RET: variants seen among roughly 807,000 people sequenced by gnomAD.
RET encodes the protein ret proto-oncogene.
RET carries 19 observed loss-of-function variants against 118.3 expected under a neutral mutation model. That is an observed-to-expected ratio of 0.16 (90% confidence interval 0.11 to 0.24). The LOEUF (loss-of-function observed/expected upper bound fraction) is 0.24. Ranked by LOEUF, RET falls within the 10% of genes least tolerant of loss-of-function variation. The probability of loss-of-function intolerance (pLI) is 1.00; values close to 1 mark genes in which losing one functional copy is unlikely to be tolerated. For synonymous variants in RET, 597 were observed against 644.1 expected (o/e 0.93, Z 1.11); for missense variants, 1,219 against 1,502.1 (o/e 0.81, Z 3.12).
chr10:43,126,866 CT>C, intron 19 of RET, 144 bp downstream of exon 19: 2 of 1,463,552 alleles, frequency 1.4e-6, no homozygotes. Flanking sequence ...AAATGTCTGA[CT>C]TTGCATCCAG....
chr10:43,119,709 G>T lies in RET; in HGVS notation c.2571G>T (p.Gln857His), dbSNP rs1588877374. Reference protein sequence around the residue: ...TMGDLISFAWQISQGMQYLAE... With the variant: ...TMGDLISFAWHISQGMQYLAE... ...GCGACCTCATCTCATTTGCCTGGCA[G>T]ATCTCACAGGGGATGCAGTATCTGG... is the stretch of plus-strand genomic sequence containing the variant. The change falls in exon 14 of 20, where the codon CAG (glutamine) becomes CAT (histidine). Residue 857 changes from glutamine (Q) to histidine (H), a missense_variant. Coordinates refer to ENST00000355710, the MANE Select transcript of RET (RefSeq NM_020975.6). 6.2e-7 allele frequency: 1 copy of T among 1,613,522 alleles called. No individual in the cohort carries two copies. Among genetic ancestry groups the T allele is most frequent in the Non-Finnish European group, 8.5e-7 (1 of 1,179,948 alleles).
intron 18 of RET, 105 bp downstream of exon 18, chr10:43,125,087 A>G: frequency 9.8e-7 from 1 of 1,021,630 alleles, no homozygotes; most frequent in Non-Finnish European, 1.5e-6. Flanking sequence ...GTGTGGGGCC[A>G]CAGTGGGATT....
intron 1 of RET, among the ~76,000 whole-genome samples, chr10:43,088,425 G>A (rs1433340668): frequency 2.0e-5 from 3 of 151,668 alleles, no homozygotes; most frequent in African/African-American, 7.3e-5. Flanking sequence ...TGAAGGTGGG[G>A]ATGGTGGTGG....
rs541432573 is a variant in RET at position 43,119,229 on chromosome 10, T to C, written c.2393-302T>C. ...GGCAGGACCCAGGAGGCAAAAAGGCTTGGCGTCCTAGCATCAGGGAGGGGT... is the reference window on the plus strand; with the variant it reads ...GGCAGGACCCAGGAGGCAAAAAGGCCTGGCGTCCTAGCATCAGGGAGGGGT... On this transcript the variant is annotated intron_variant, in intron 13 of 19. Transcript: ENST00000355710. Among the ~76,000 whole-genome samples the C allele has an allele frequency of 2.0e-5, 3 of 152,292 alleles. No homozygotes were observed. The South Asian group carries it at 6.2e-4, about 32-fold the overall frequency.
At chr10:43,126,761 T>A in intron 19 of RET, 39 bp downstream of exon 19, 1 of 1,610,046 alleles carries the variant, frequency 6.2e-7, no homozygotes, top group Non-Finnish European at 8.5e-7. Flanking sequence ...CTAGCACCGC[T>A]GTCCCCTTTG....
intron 4 of RET, among the ~76,000 whole-genome samples, chr10:43,105,556 C>T (rs900433837): frequency 4.7e-4 from 71 of 152,192 alleles, no homozygotes; most frequent in Admixed American, 3.9e-3. Context: ...TGAGTGACCA[C>T]GAGCAGAGCC....
At chr10:43,122,145 G>A in intron 16 of RET, 129 bp downstream of exon 16, 1 of 791,706 alleles carries the variant, frequency 1.3e-6, no homozygotes, top group Non-Finnish European at 2.3e-6. Flanking sequence ...TGTCTGCAGT[G>A]CTAGCCCTCT....
intron 1 of RET, among the ~76,000 whole-genome samples, chr10:43,080,208 T>C (rs2132519424): frequency 6.6e-6 from 1 of 152,272 alleles, no homozygotes; most frequent in East Asian, 1.9e-4. Context: ...AATTATGATA[T>C]CTGTTAAAAT....
At chr10:43,109,968 G>A (rs1201139270) in intron 6 of RET, among the ~76,000 whole-genome samples, 1 of 152,212 alleles carries the variant, frequency 6.6e-6, no homozygotes, top group Non-Finnish European at 1.5e-5. Flanking sequence ...AGCAGCCCGT[G>A]GCGCCTCCTC....
At chr10:43,092,207 G>T (rs1273036289) in intron 1 of RET, among the ~76,000 whole-genome samples, 1 of 152,218 alleles carries the variant, frequency 6.6e-6, no homozygotes, top group Non-Finnish European at 1.5e-5. Context: ...AACCTCGAGG[G>T]CATTATGTCA....
chr10:43,098,759 A>G (rs1050528280), intron 1 of RET, among the ~76,000 whole-genome samples: 4 of 152,128 alleles, frequency 2.6e-5, no homozygotes, highest in Non-Finnish European at 2.9e-5. Context: ...ATTCCATTGT[A>G]TGTATAGACC....
intron 15 of RET, among the ~76,000 whole-genome samples, chr10:43,121,303 C>A (rs715106): frequency 0.83 from 127,130 of 152,256 alleles, 53,746 homozygotes; most frequent in African/African-American, 0.94. Flanking sequence ...AGATTGTGTT[C>A]CAACCCAAGG....
chr10:43,120,940 GA>G (rs1564499570), intron 15 of RET, among the ~76,000 whole-genome samples: 1 of 149,436 alleles, frequency 6.7e-6, no homozygotes, highest in Non-Finnish European at 1.5e-5. Flanking sequence ...AAAAGAAGAA[GA>G]AGAAAAAAAA....
intron 14 of RET, 139 bp from the exon 15 acceptor site, chr10:43,119,941 GC>G: frequency 7.3e-7 from 1 of 1,370,304 alleles, no homozygotes; most frequent in Non-Finnish European, 1.0e-6. Flanking sequence ...CCACGCCCCT[GC>G]CATGCCACAC....
At position 43,109,236 on chromosome 10, in the gene RET, C is replaced by T. The variant is rs1461633381; in HGVS notation, c.1263+6C>T. On this transcript the variant is annotated splice_donor_region_variant and intron_variant, in intron 6 of 19. Coordinates refer to ENST00000355710, the MANE Select transcript of RET (RefSeq NM_020975.6). ...GGGCTCGCCGATTTGCCCAGGTGAG[C>T]CCATACCTATTGCCTGTCTGGGGAA... 1.2e-6 allele frequency: 2 copies of T among 1,612,022 alleles called. No individual in the cohort carries two copies. Among genetic ancestry groups the T allele is most frequent in the Non-Finnish European group, 1.7e-6 (2 of 1,179,864 alleles).
chr10:43,116,525 C>T (rs2132900344), intron 11 of RET, 59 bp from the exon 12 acceptor site: 1 of 1,601,810 alleles, frequency 6.2e-7, no homozygotes, highest in South Asian at 1.1e-5. Flanking sequence ...CCTTCTTCCT[C>T]CCCTGTCATC....
Position 43,114,046 on chromosome 10 carries a change from T to A in RET, c.1879+371T>A, listed in dbSNP as rs988725049. On this transcript the variant is annotated intron_variant, in intron 10 of 19. Transcript: ENST00000355710. This position sits in a 1 kb window ranked among gnomAD's most constrained non-coding sequence, Gnocchi z 4.6. ...CTACACTCAGGGGTGCTGTTCTGCC[T>A]GAGCATAGGGACACGTTTCTGTCAT... Among the ~76,000 whole-genome samples the A allele has an allele frequency of 2.0e-5, 3 of 152,228 alleles. No homozygotes were observed. Among genetic ancestry groups the A allele is most frequent in the African/African-American group, 7.2e-5 (3 of 41,458 alleles).
At position 43,119,620 on chromosome 10, in the gene RET, G is replaced by C. The variant is rs912196017; in HGVS notation, c.2482G>C (p.Gly828Arg). ...CCGCAAAGTGGGGCCTGGCTACCTGGGCAGTGGAGGCAGCCGCAACTCCAG... is the reference window on the plus strand; with the variant it reads ...CCGCAAAGTGGGGCCTGGCTACCTGCGCAGTGGAGGCAGCCGCAACTCCAG... Reference protein sequence around the residue: ...ESRKVGPGYLGSGGSRNSSSL... With the variant: ...ESRKVGPGYLRSGGSRNSSSL... The change falls in exon 14 of 20, where the codon GGC becomes CGC. Residue 828 changes from glycine to arginine, a missense_variant. Gly to Arg is a moderately radical substitution (Grantham distance 125). This residue lies in a region of RET where 850 missense variants were observed against 969.6 expected (regional missense o/e 0.88). Transcript: ENST00000355710. 8 of 1,612,810 alleles carry C rather than the reference G, an allele frequency of 5.0e-6. No homozygotes were observed. Among genetic ancestry groups the C allele is most frequent in the Non-Finnish European group, 6.8e-6 (8 of 1,179,938 alleles).
At chr10:43,080,501 A>T (rs1837156241) in intron 1 of RET, among the ~76,000 whole-genome samples, 1 of 152,230 alleles carries the variant, frequency 6.6e-6, no homozygotes, top group Non-Finnish European at 1.5e-5. Context: ...GGTAGAGAGG[A>T]TGCGGGAGCT....
Sources: gnomAD v4.1 joint callset for allele counts (sites outside exome capture counted in the v4.1 genomes callset) on GRCh38, gnomAD v4.1.1 for gene constraint, gnomAD v4.1.1 regional missense constraint, Gnocchi (gnomAD v3.1) non-coding constraint, MANE v1.5 for transcripts, NCBI Gene and HGNC (gene_info 2026-07-23, HGNC 2026-07-21) for gene names.